YBEY: variants seen among roughly 807,000 people sequenced by gnomAD.
The protein encoded by YBEY is ybeY metalloendoribonuclease.
YBEY carries 15 observed loss-of-function variants against 13.5 expected under a neutral mutation model. That is an observed-to-expected ratio of 1.11 (90% CI 0.75 to 1.72). The LOEUF (loss-of-function observed/expected upper bound fraction) is 1.72. Ranked by LOEUF, YBEY falls within the 40% of genes most tolerant of loss-of-function variation. The pLI is 0.00. For missense variants in YBEY, 244 were observed against 208.4 expected, an observed-to-expected ratio of 1.17 and a Z score of -1.05; for synonymous variants, 101 against 83.1, an observed-to-expected ratio of 1.21 and a Z score of -1.17.
chr21:46,297,500 C>G, intron 4 of YBEY, 39 bp from the exon 5 acceptor site: 1 of 1,344,948 alleles, frequency 7.4e-7, no homozygotes, highest in Non-Finnish European at 9.6e-7. Flanking sequence ...GGCGCGGACA[C>G]CTTCCCTGGG....
the YBEY span, among the ~76,000 whole-genome samples, chr21:46,302,923 A>G: frequency 4.4e-5 from 6 of 136,542 alleles, no homozygotes; most frequent in Non-Finnish European, 7.9e-5. Context: ...CCGTCTGCAC[A>G]CGGTGCGGGT....
intron 3 of YBEY, 42 bp from the exon 4 acceptor site, chr21:46,296,120 T>G (rs746334684): frequency 6.2e-7 from 1 of 1,612,410 alleles, no homozygotes; most frequent in Non-Finnish European, 8.5e-7. Context: ...GGCAGGTTCC[T>G]GTGGGGTCAT....
rs1031150685 is a variant in YBEY, at chr21:46,297,582, G to A, written c.452G>A (p.Arg151His). Residue 151 changes from arginine to histidine, a missense_variant, in exon 5 of 5, where the codon CGC becomes CAC. Arg to His is a conservative substitution (Grantham distance 29). Coordinates refer to ENST00000397701, the MANE Select transcript of YBEY (RefSeq NM_001314025.2). ...GCGGTGCTGGACGAGCTGGGCCGAC[G>A]CACGGGGACCCGGCTGCAGCCCCTG... ...EKAVLDELGR[R>H]TGTRLQPLTR... 7.2e-7 allele frequency: 1 copy of A among 1,387,022 alleles called. No individual in the cohort carries two copies. The highest frequency in any genetic ancestry group is 3.0e-5 in the Admixed American group (1 of 33,562). 85.9% of individuals were successfully genotyped at this position (1,387,022 alleles called of 1,614,324 possible).
chr21:46,303,721 ATATATATATATATATATATATATAT>A, the YBEY span, among the ~76,000 whole-genome samples: 2 of 22,044 alleles, frequency 9.1e-5, no homozygotes, highest in African/African-American at 4.5e-4. Context: ...ATATATATAT[ATATATATATATATATATATATATAT>A]TTTTTTTTTT....
chr21:46,305,950 AG>A, the YBEY span, among the ~76,000 whole-genome samples: 22 of 151,948 alleles, frequency 1.4e-4, no homozygotes, highest in Admixed American at 7.9e-4. Flanking sequence ...AAAAAAAAAA[AG>A]AAAAGAATCT....
the YBEY span, chr21:46,311,446 G>A: frequency 6.7e-7 from 1 of 1,502,412 alleles, no homozygotes; most frequent in Non-Finnish European, 9.2e-7. Flanking sequence ...TATGAATATG[G>A]AACACTTACC....
At chr21:46,294,309 C>T (rs1245393223) in intron 3 of YBEY, among the ~76,000 whole-genome samples, 4 of 91,024 alleles carry the variant, frequency 4.4e-5, no homozygotes, top group African/African-American at 1.1e-4. Context: ...GACCCGTGCC[C>T]GGGACTCAGT....
intron 3 of YBEY, among the ~76,000 whole-genome samples, chr21:46,292,762 C>G (rs1061070): frequency 2.9e-5 from 3 of 102,440 alleles, no homozygotes; most frequent in Middle Eastern, 5.3e-3. Context: ...GCCCGGGACT[C>G]AGTGGAGTCA....
At chr21:46,292,498 A>G (rs4819226) in intron 3 of YBEY, among the ~76,000 whole-genome samples, 38,872 of 127,036 alleles carry the variant, frequency 0.31, 6,204 homozygotes, top group Admixed American at 0.38. Context: ...TAAACTCTAG[A>G]TTAAATTCCT....
downstream of YBEY, chr21:46,301,477 G>GC (rs11399715): frequency 1 from 984,604 of 984,618 alleles, 492,295 homozygotes; most frequent in Middle Eastern, 1. Context: ...CACAGCTGTG[G>GC]ACACAGGTGT....
At chr21:46,309,712 G>A in the YBEY span, among the ~76,000 whole-genome samples, 1 of 151,552 alleles carries the variant, frequency 6.6e-6, no homozygotes, top group Non-Finnish European at 1.5e-5. Context: ...TCTAGAAAAT[G>A]CAGGCCAGGC....
At chr21:46,304,747 C>G in the YBEY span, among the ~76,000 whole-genome samples, 1 of 152,104 alleles carries the variant, frequency 6.6e-6, no homozygotes, top group African/African-American at 2.4e-5. Context: ...CCTAGGCATG[C>G]GTTCCATTAG....
At chr21:46,291,208 A>T in intron 2 of YBEY, 126 bp from the exon 3 acceptor site, 3 of 1,145,054 alleles carry the variant, frequency 2.6e-6, no homozygotes, top group Non-Finnish European at 3.3e-6. Flanking sequence ...AAAAAAAAAA[A>T]AAAAAAAAGT....
chr21:46,306,373 C>T, the YBEY span, among the ~76,000 whole-genome samples: 1 of 149,916 alleles, frequency 6.7e-6, no homozygotes, highest in Non-Finnish European at 1.5e-5. Flanking sequence ...GTGGCACACG[C>T]CTGTAGTCCC....
chr21:46,295,713 C>T (rs899002571), intron 3 of YBEY, among the ~76,000 whole-genome samples: 2 of 57,606 alleles, frequency 3.5e-5, no homozygotes, highest in Non-Finnish European at 7.4e-5. Context: ...CAGGGGCCAC[C>T]GGAGGCCCCA....
downstream of YBEY, among the ~76,000 whole-genome samples, chr21:46,298,951 A>T (rs1478259849): frequency 6.9e-6 from 1 of 145,936 alleles, no homozygotes; most frequent in Non-Finnish European, 1.5e-5. Flanking sequence ...TGAACTCCTG[A>T]CCTCAAGTAA....
At chr21:46,292,335 T>A (rs2145797671) in intron 3 of YBEY, 1 of 152,358 alleles carries the variant, frequency 6.6e-6, no homozygotes. Context: ...TGCGGGCTGG[T>A]TCTCCTCAGG....
the YBEY span, chr21:46,311,363 C>G: frequency 1.8e-6 from 1 of 566,886 alleles, no homozygotes. Context: ...CAGCCAAAAG[C>G]TGGCCCTAAG....
At chr21:46,305,783 C>CA in the YBEY span, among the ~76,000 whole-genome samples, 10 of 150,108 alleles carry the variant, frequency 6.7e-5, no homozygotes, top group African/African-American at 2.0e-4. Context: ...ACTAAAAATA[C>CA]AAAAAAAAAT....
Sources: gnomAD v4.1 joint callset for allele counts (sites outside exome capture counted in the v4.1 genomes callset) on GRCh38, gnomAD v4.1.1 for gene constraint, MANE v1.5 for transcripts, NCBI Gene and HGNC (gene_info 2026-07-23, HGNC 2026-07-21) for gene names.